IL1RAPL2: variants seen among roughly 807,000 people sequenced by gnomAD.
IL1RAPL2 encodes interleukin 1 receptor accessory protein like 2.
Under a neutral mutation model 44.1 loss-of-function variants are expected in IL1RAPL2, and 3 were observed. The observed-to-expected ratio is 0.07, with a 90% confidence interval of 0.03 to 0.18. The LOEUF (loss-of-function observed/expected upper bound fraction) is 0.18, where lower values mean the gene tolerates loss of function less well. Among genes scored for constraint, IL1RAPL2 ranks in the 10% least tolerant of loss-of-function variants. The pLI, the probability that IL1RAPL2 is intolerant of heterozygous loss-of-function variation, is 1.00. For missense variants in IL1RAPL2, 391 were observed against 496.4 expected (o/e 0.79, Z 2.02); for synonymous variants, 181 against 178.8 (o/e 1.01, Z -0.10).
At chrX:105,710,593 A>T (rs953879385) in intron 6 of IL1RAPL2, among the ~76,000 whole-genome samples, 3 of 110,393 alleles carry the variant, frequency 2.7e-5, no homozygotes, top group Non-Finnish European at 5.7e-5. Flanking sequence ...AAAGAATTTA[A>T]AAGGGCTTTA....
At chrX:104,633,976 C>T (rs1193886786) in intron 1 of IL1RAPL2, among the ~76,000 whole-genome samples, 2 of 110,736 alleles carry the variant, frequency 1.8e-5, no homozygotes, top group Non-Finnish European at 3.8e-5. Flanking sequence ...CTCTTTTGGG[C>T]ATTTAGTGCT....
intron 6 of IL1RAPL2, among the ~76,000 whole-genome samples, chrX:105,581,815 C>T (rs1334264718): frequency 1.8e-5 from 2 of 111,034 alleles, no homozygotes; most frequent in South Asian, 3.7e-4. Context: ...TTTATCTCAC[C>T]ATATAATCCA....
At chrX:105,095,065 A>AT (rs1026767156) in intron 2 of IL1RAPL2, among the ~76,000 whole-genome samples, 1 of 111,312 alleles carries the variant, frequency 9.0e-6, no homozygotes, top group African/African-American at 3.3e-5. Flanking sequence ...TTTTCTGTGG[A>AT]TTCCTGAGTA....
At chrX:105,153,632 T>C (rs771679209) in intron 2 of IL1RAPL2, among the ~76,000 whole-genome samples, 3 of 111,794 alleles carry the variant, frequency 2.7e-5, no homozygotes, top group Non-Finnish European at 5.7e-5. Flanking sequence ...ATGGAACTTA[T>C]AGGCAAAGAC....
chrX:104,783,213 A>T (rs1003458416), intron 2 of IL1RAPL2, among the ~76,000 whole-genome samples: 1 of 111,910 alleles, frequency 8.9e-6, no homozygotes, highest in Non-Finnish European at 1.9e-5. Flanking sequence ...TACTTTATGT[A>T]ATCTGATAGG....
intron 10 of IL1RAPL2, among the ~76,000 whole-genome samples, chrX:105,760,812 T>C (rs1210737165): frequency 4.5e-5 from 5 of 111,896 alleles, no homozygotes; most frequent in African/African-American, 1.6e-4. Context: ...TAACTGTGAA[T>C]TATCAAGCCA....
At chrX:105,271,475 T>C (rs1044429441) in intron 5 of IL1RAPL2, among the ~76,000 whole-genome samples, 2 of 111,026 alleles carry the variant, frequency 1.8e-5, no homozygotes, top group African/African-American at 6.5e-5. Context: ...TTAATTGAAG[T>C]GAAAAAGTAA....
chrX:105,335,741 T>G (rs771016337), intron 5 of IL1RAPL2, among the ~76,000 whole-genome samples: 1 of 111,117 alleles, frequency 9.0e-6, no homozygotes, highest in African/African-American at 3.3e-5. Context: ...TGCAACTACC[T>G]TTCAGTTAGG....
At chrX:104,983,622 A>T (rs1321951368) in intron 2 of IL1RAPL2, among the ~76,000 whole-genome samples, 2 of 97,794 alleles carry the variant, frequency 2.0e-5, no homozygotes, top group Non-Finnish European at 4.0e-5. Flanking sequence ...ATATTATATT[A>T]TATGCATAAT....
At chrX:105,701,005 C>T (rs748715011) in intron 6 of IL1RAPL2, among the ~76,000 whole-genome samples, 1 of 111,257 alleles carries the variant, frequency 9.0e-6, no homozygotes, top group East Asian at 2.9e-4. Flanking sequence ...CCTCCAGGGT[C>T]ACATGTCCTA....
intron 5 of IL1RAPL2, among the ~76,000 whole-genome samples, chrX:105,365,598 A>G (rs2035287971): frequency 9.0e-6 from 1 of 111,128 alleles, no homozygotes; most frequent in Non-Finnish European, 1.9e-5. Context: ...CTTTTTAGAT[A>G]TTCTGTTTCT....
chrX:105,018,725 T>C (rs1246811552), intron 2 of IL1RAPL2, among the ~76,000 whole-genome samples: 1 of 111,464 alleles, frequency 9.0e-6, no homozygotes, highest in African/African-American at 3.3e-5. Context: ...GATATTACCT[T>C]AGTCCATTAG....
intron 2 of IL1RAPL2, among the ~76,000 whole-genome samples, chrX:104,907,027 T>C (rs1319904995): frequency 9.0e-6 from 1 of 111,210 alleles, no homozygotes; most frequent in Non-Finnish European, 1.9e-5. Context: ...TGGTTTAGTC[T>C]TGGGAGAGTG....
intron 5 of IL1RAPL2, among the ~76,000 whole-genome samples, chrX:105,272,109 A>G (rs1427994218): frequency 7.1e-5 from 6 of 83,995 alleles, no homozygotes; most frequent in African/African-American, 2.8e-4. Flanking sequence ...AGGAAGGGGA[A>G]TATCACACTC....
At chrX:105,675,120 G>T (rs2037859228) in intron 6 of IL1RAPL2, among the ~76,000 whole-genome samples, 2 of 111,074 alleles carry the variant, frequency 1.8e-5, no homozygotes, top group Non-Finnish European at 3.8e-5. Context: ...AGGACATTTT[G>T]ATTTCCTCCC....
intron 2 of IL1RAPL2, among the ~76,000 whole-genome samples, chrX:105,188,334 C>T (rs1201688417): frequency 9.0e-6 from 1 of 111,013 alleles, no homozygotes. Context: ...GGCAGTGCTA[C>T]TACCCTGTCT....
chrX:104,803,948 G>T (rs571033955), intron 2 of IL1RAPL2: 1 of 112,513 alleles, frequency 8.9e-6, no homozygotes, highest in South Asian at 3.5e-4. Context: ...GTAAAAGGTG[G>T]CAGGGCACTA....
chrX:105,041,130 T>C (rs1433676480), intron 2 of IL1RAPL2, among the ~76,000 whole-genome samples: 2 of 109,061 alleles, frequency 1.8e-5, no homozygotes, highest in Non-Finnish European at 3.8e-5. Context: ...CTTCATTTCG[T>C]TATGTACCCA....
intron 4 of IL1RAPL2, among the ~76,000 whole-genome samples, chrX:105,239,857 C>T: frequency 9.0e-6 from 1 of 111,562 alleles, no homozygotes; most frequent in Non-Finnish European, 1.9e-5. Flanking sequence ...ATCTTTTATT[C>T]CTGGTGAAAA....
Sources: gnomAD v4.1 joint callset for allele counts (sites outside exome capture counted in the v4.1 genomes callset) on GRCh38, gnomAD v4.1.1 for gene constraint, MANE v1.5 for transcripts, NCBI Gene and HGNC (gene_info 2026-07-23, HGNC 2026-07-21) for gene names.